The following TG variants were observed in gnomAD, a reference collection of about 807,000 sequenced individuals.
TG encodes thyroid hormones.
A neutral mutation model predicts 324.7 loss-of-function variants in TG; 270 were observed. That is an observed-to-expected ratio of 0.83 (90% CI 0.75 to 0.92). TG has a LOEUF of 0.92. Ranked by LOEUF, TG falls within the 40% of genes least tolerant of loss-of-function variation. The pLI is 0.00. For missense variants in TG, 3,591 were observed against 3,456.4 expected, an observed-to-expected ratio of 1.04 and a Z score of -0.98; for synonymous variants, 1,401 against 1,327.0, an observed-to-expected ratio of 1.06 and a Z score of -1.21.
At chr8:132,955,870 C>G in intron 27 of TG, among the ~76,000 whole-genome samples, 1 of 152,236 alleles carries the variant, frequency 6.6e-6, no homozygotes. Context: ...CCACGTCACA[C>G]CCAGCAATGC....
chr8:132,900,441 T>C, intron 15 of TG, 102 bp downstream of exon 15: 1 of 1,094,386 alleles, frequency 9.1e-7, no homozygotes, highest in Non-Finnish European at 1.4e-6. Context: ...ACTGCTTCCA[T>C]AGCTGTGGGG....
At chr8:133,091,800 C>T (rs979071659) in intron 41 of TG, among the ~76,000 whole-genome samples, 1 of 151,754 alleles carries the variant, frequency 6.6e-6, no homozygotes, top group African/African-American at 2.4e-5. Flanking sequence ...AAGTGTGGGT[C>T]TCCCTGTGTC....
chr8:133,009,322 T>G (rs1834291904), intron 35 of TG, among the ~76,000 whole-genome samples: 1 of 152,076 alleles, frequency 6.6e-6, no homozygotes, highest in South Asian at 2.1e-4. Flanking sequence ...TAGCAACATG[T>G]GGAGGATGCT....
intron 9 of TG, 61 bp downstream of exon 9, chr8:132,887,609 A>C: frequency 6.2e-7 from 1 of 1,607,764 alleles, no homozygotes; most frequent in Non-Finnish European, 8.5e-7. Context: ...CCCTGACCCA[A>C]TGCAGTACAG....
At chr8:132,878,309 G>T (rs1217671332) in intron 5 of TG, among the ~76,000 whole-genome samples, 1 of 151,968 alleles carries the variant, frequency 6.6e-6, no homozygotes, top group African/African-American at 2.4e-5. Flanking sequence ...GTTTCCAAAG[G>T]CCAATGCCTA....
intron 31 of TG, among the ~76,000 whole-genome samples, chr8:132,968,755 C>T (rs886594378): frequency 5.9e-5 from 9 of 152,208 alleles, no homozygotes; most frequent in Non-Finnish European, 1.5e-5. Flanking sequence ...TAGGTTCCTC[C>T]TTCAGAGGAG....
intron 41 of TG, among the ~76,000 whole-genome samples, chr8:133,057,931 T>G (rs1393864077): frequency 1.3e-5 from 2 of 152,142 alleles, no homozygotes; most frequent in East Asian, 1.9e-4. Context: ...ACGGCCAGGG[T>G]CTGTGGAGGG....
In TG at chr8:132,888,172, G is replaced by A. The variant is rs1815701339; in HGVS notation, c.2365G>A (p.Glu789Lys). ...GGTCTTCGAGTTGTACCAACGATGG[G>A]AGGCTCAGAACAAGGGCCAGGATCT... ...EQVFELYQRWEAQNKGQDLTP... is the reference protein window; with the variant it reads ...EQVFELYQRWKAQNKGQDLTP... The change falls in exon 10 of 48, where the codon GAG becomes AAG. Residue 789 changes from glutamate (E) to lysine (K), a missense_variant. Transcript: ENST00000220616. 4 of 1,614,022 alleles carry A rather than the reference G, an allele frequency of 2.5e-6. No individual in the cohort carries two copies. The highest frequency in any genetic ancestry group is 4.5e-5 in the East Asian group (2 of 44,898).
chr8:133,061,254 C>T (rs891335036), intron 41 of TG, among the ~76,000 whole-genome samples: 3 of 152,212 alleles, frequency 2.0e-5, no homozygotes, highest in East Asian at 1.9e-4. Flanking sequence ...GGTGATCTAC[C>T]TGCCTTGGCC....
At chr8:132,972,774 G>A (rs1403488) in intron 34 of TG, 33 bp downstream of exon 34, 325,361 of 1,611,872 alleles carry the variant, frequency 0.2, 35,992 homozygotes, top group Middle Eastern at 0.25. Context: ...CTATATGGAC[G>A]TCTTTAGTTA....
rs576300572 is a variant in TG at position 133,029,969 on chromosome 8, C to T, written c.7185C>T (p.His2395=). The T allele has an allele frequency of 1.2e-6, 2 of 1,614,220 alleles. No homozygotes were observed. Among genetic ancestry groups the T allele is most frequent in the African/African-American group, 2.7e-5 (2 of 75,062 alleles). Residue 2395 remains histidine (H), a synonymous_variant, in exon 41 of 48, where the codon CAC becomes CAT. Transcript: ENST00000220616. ...GCGGGGCTGATGTGGCCAGCATCCACCTTCTCACGGCCAGGGCCACCAACT... is the reference window on the plus strand; with the variant it reads ...GCGGGGCTGATGTGGCCAGCATCCATCTTCTCACGGCCAGGGCCACCAACT... ...DRGGADVASI[H]LLTARATNSQ...
chr8:132,897,589 G>A, intron 11 of TG, 60 bp from the exon 12 acceptor site: 1 of 1,611,226 alleles, frequency 6.2e-7, no homozygotes, highest in Non-Finnish European at 8.5e-7. Context: ...GTTGTTCTCA[G>A]CTACAGAGCC....
intron 27 of TG, among the ~76,000 whole-genome samples, chr8:132,958,357 GTCTATCTA>G (rs34949600): frequency 0.019 from 2,806 of 151,310 alleles, 40 homozygotes; most frequent in South Asian, 0.022. Context: ...CTATCTATCT[GTCTATCTA>G]TCTATCTATC....
intron 40 of TG, among the ~76,000 whole-genome samples, chr8:133,022,598 T>A (rs761613194): frequency 3.9e-5 from 6 of 152,174 alleles, no homozygotes; most frequent in Non-Finnish European, 1.5e-5. Flanking sequence ...GCTGTATCAA[T>A]AAGGAGATTC....
chr8:132,873,364 A>G (rs1440803517), intron 5 of TG, 143 bp downstream of exon 5: 6 of 1,165,952 alleles, frequency 5.1e-6, no homozygotes, highest in Non-Finnish European at 7.3e-6. Context: ...TGTCCTGGGC[A>G]TCTAAAGTGC....
chr8:133,029,400 A>T (rs1836410445), intron 40 of TG, among the ~76,000 whole-genome samples: 1 of 152,168 alleles, frequency 6.6e-6, no homozygotes, highest in South Asian at 2.1e-4. Flanking sequence ...CAACCACCTG[A>T]AGGGGTCAAA....
At chr8:133,066,835 G>A (rs1338898699) in intron 41 of TG, among the ~76,000 whole-genome samples, 4 of 152,322 alleles carry the variant, frequency 2.6e-5, no homozygotes, top group Non-Finnish European at 5.9e-5. Context: ...TTGGTAAATG[G>A]CAGCTAAAAA....
intron 43 of TG, among the ~76,000 whole-genome samples, chr8:133,097,837 A>C (rs900619817): frequency 6.6e-6 from 1 of 152,194 alleles, no homozygotes; most frequent in South Asian, 2.1e-4. Flanking sequence ...GTAGAGAGAG[A>C]GAAAGAAGCA....
intron 11 of TG, among the ~76,000 whole-genome samples, chr8:132,896,068 G>A (rs1817050581): frequency 6.6e-6 from 1 of 152,278 alleles, no homozygotes; most frequent in Non-Finnish European, 1.5e-5. Context: ...GGCCTAATGA[G>A]CGTGGCGAAG....
Sources: allele counts gnomAD v4.1 joint callset (sites outside exome capture counted in the v4.1 genomes callset), GRCh38; gene constraint gnomAD v4.1.1; transcripts MANE v1.5; gene names NCBI Gene and HGNC (gene_info 2026-07-23, HGNC 2026-07-21).